The following MAP3K3 variants were observed in gnomAD, a reference collection of about 807,000 sequenced individuals.
The protein encoded by MAP3K3 is mitogen-activated protein kinase kinase kinase 3.
Under a neutral mutation model 80.9 loss-of-function variants are expected in MAP3K3, and 12 were observed. The ratio of observed to expected loss-of-function variants is 0.15; its 90% CI spans 0.10 to 0.24. The LOEUF is 0.24. MAP3K3 is among the 10% of genes least tolerant of loss of function. MAP3K3 has a pLI of 1.00. For synonymous variants in MAP3K3, 272 were observed against 307.1 expected (o/e 0.89, Z 1.19); for missense variants, 596 against 834.7 (o/e 0.71, Z 3.52).
At chr17:63,652,860 A>G (rs1308924201) in intron 4 of MAP3K3, among the ~76,000 whole-genome samples, 1 of 152,128 alleles carries the variant, frequency 6.6e-6, no homozygotes, top group Non-Finnish European at 1.5e-5. Flanking sequence ...AGCCATCTCC[A>G]TTCCCCCTAC....
chr17:63,690,438 C>T, intron 12 of MAP3K3, 26 bp downstream of exon 12: 2 of 1,605,574 alleles, frequency 1.2e-6, no homozygotes. Flanking sequence ...GGTCTGACTT[C>T]AGTTCCCTCC....
At chr17:63,675,918 G>T (rs1291726634) in intron 6 of MAP3K3, among the ~76,000 whole-genome samples, 2 of 152,332 alleles carry the variant, frequency 1.3e-5, no homozygotes, top group East Asian at 1.9e-4. Flanking sequence ...TAGTTTTATG[G>T]TCCAGTATCC....
chr17:63,638,921 G>T (rs1598068413), intron 2 of MAP3K3, among the ~76,000 whole-genome samples: 1 of 152,146 alleles, frequency 6.6e-6, no homozygotes, highest in African/African-American at 2.4e-5. Flanking sequence ...AGCTACTTGG[G>T]AGGCTGAGGT....
intron 6 of MAP3K3, among the ~76,000 whole-genome samples, chr17:63,676,459 C>T (rs2035221908): frequency 6.6e-6 from 1 of 152,220 alleles, no homozygotes; most frequent in African/African-American, 2.4e-5. Context: ...ATAGTTTGGA[C>T]CAGTGTCTGA....
chr17:63,690,116 G>T, intron 11 of MAP3K3, 148 bp from the exon 12 acceptor site: 2 of 897,340 alleles, frequency 2.2e-6, no homozygotes, highest in South Asian at 1.6e-5. Context: ...CACTGGGCTT[G>T]CTCCAGATTG....
At chr17:63,652,240 T>G (rs540697625) in intron 3 of MAP3K3, among the ~76,000 whole-genome samples, 21 of 152,162 alleles carry the variant, frequency 1.4e-4, no homozygotes, top group Non-Finnish European at 2.5e-4. Context: ...GTCTGTGTGT[T>G]CTCATCGTTG....
At chr17:63,648,427 T>G (rs1193663200) in intron 3 of MAP3K3, among the ~76,000 whole-genome samples, 1 of 152,184 alleles carries the variant, frequency 6.6e-6, no homozygotes, top group African/African-American at 2.4e-5. Context: ...TAGAAAGCTA[T>G]CCTCTCAAAA....
intron 3 of MAP3K3, among the ~76,000 whole-genome samples, 191 bp from the exon 4 acceptor site, chr17:63,652,366 A>G (rs189738330): frequency 8.7e-4 from 133 of 152,262 alleles, no homozygotes; most frequent in African/African-American, 2.9e-3. Flanking sequence ...GTCAAACCTG[A>G]TAGATGCTCA....
At chr17:63,649,678 G>A (rs1448920965) in intron 3 of MAP3K3, among the ~76,000 whole-genome samples, 1 of 152,182 alleles carries the variant, frequency 6.6e-6, no homozygotes, top group East Asian at 1.9e-4. Context: ...AGAGTTCTGG[G>A]ATTATAGGTG....
intron 1 of MAP3K3, among the ~76,000 whole-genome samples, chr17:63,630,256 A>G (rs2034188297): frequency 6.6e-6 from 1 of 152,172 alleles, no homozygotes; most frequent in African/African-American, 2.4e-5. Flanking sequence ...ATATAAGCCA[A>G]TCTTCCTAGC....
chr17:63,622,932 C>T (rs2034020870), intron 1 of MAP3K3, among the ~76,000 whole-genome samples, 169 bp downstream of exon 1: 1 of 145,140 alleles, frequency 6.9e-6, no homozygotes, highest in Admixed American at 6.8e-5. Flanking sequence ...CGCGCCGCGG[C>T]CCGGGCGGGG....
intron 1 of MAP3K3, among the ~76,000 whole-genome samples, chr17:63,625,062 T>TA (rs1333812710): frequency 6.6e-6 from 1 of 152,232 alleles, no homozygotes; most frequent in Admixed American, 6.5e-5. Context: ...GTATTTTAGT[T>TA]ATACTTGTTA....
At chr17:63,662,325 G>T (rs577376542) in intron 5 of MAP3K3, among the ~76,000 whole-genome samples, 1 of 151,684 alleles carries the variant, frequency 6.6e-6, no homozygotes, top group East Asian at 1.9e-4. Flanking sequence ...TGAGGTGGGA[G>T]AATCACCTGA....
intron 6 of MAP3K3, among the ~76,000 whole-genome samples, chr17:63,678,754 G>A (rs2035271109): frequency 6.6e-6 from 1 of 152,204 alleles, no homozygotes; most frequent in Non-Finnish European, 1.5e-5. Context: ...TTTCAACTGG[G>A]TGCAGTGGCT....
At chr17:63,661,064 C>CT (rs879334734) in intron 5 of MAP3K3, among the ~76,000 whole-genome samples, 101 of 151,762 alleles carry the variant, frequency 6.7e-4, no homozygotes, top group African/African-American at 1.9e-3. Context: ...AGAACTATCT[C>CT]TTTTTTTTTA....
Position 63,693,286 on chromosome 17 carries a change from G to A in MAP3K3, c.1653-263G>A, listed in dbSNP as rs1282731944. 2.6e-5 allele frequency among the ~76,000 whole-genome samples: 4 copies of A among 152,174 alleles called. No homozygotes were observed. Among genetic ancestry groups the A allele is most frequent in the Non-Finnish European group, 5.9e-5 (4 of 68,036 alleles). On this transcript the variant is annotated intron_variant, in intron 15 of 15. Transcript: ENST00000361733. The surrounding 1 kb of genome is among the most constrained non-coding windows in gnomAD (Gnocchi z 4.2). ...TGGTCATTTGTTAAGAGCAGCTATG[G>A]GTAGCTAATACAGTTATTGTAGAGT...
intron 6 of MAP3K3, among the ~76,000 whole-genome samples, chr17:63,681,099 C>A (rs1460053143): frequency 1.3e-5 from 2 of 148,230 alleles, no homozygotes; most frequent in African/African-American, 2.5e-5. Context: ...CATAGTGAGA[C>A]CCTGTCTCAA....
intron 4 of MAP3K3, among the ~76,000 whole-genome samples, chr17:63,655,340 G>A (rs1329950401): frequency 6.6e-6 from 1 of 152,146 alleles, no homozygotes; most frequent in African/African-American, 2.4e-5. Flanking sequence ...GGGGATTATT[G>A]GAACTACAAA....
At chr17:63,632,848 G>A (rs759623089) in intron 2 of MAP3K3, 46 bp downstream of exon 2, 3 of 1,609,392 alleles carry the variant, frequency 1.9e-6, no homozygotes, top group African/African-American at 2.7e-5. Flanking sequence ...TTGGGGAGGG[G>A]TTTTCAAATG....
Sources: gnomAD v4.1 joint callset for allele counts (sites outside exome capture counted in the v4.1 genomes callset) on GRCh38, gnomAD v4.1.1 for gene constraint, Gnocchi (gnomAD v3.1) non-coding constraint, MANE v1.5 for transcripts, NCBI Gene and HGNC (gene_info 2026-07-23, HGNC 2026-07-21) for gene names.